GALNTL6: variants seen among roughly 807,000 people sequenced by gnomAD.
GALNTL6 encodes the protein polypeptide N-acetylgalactosaminyltransferase like 6, also known as polypeptide N-acetylgalactosaminyltransferase-like 6.
In GALNTL6, 46 loss-of-function variants were observed where a neutral mutation model predicts 73.7. The ratio of observed to expected loss-of-function variants is 0.62; its 90% CI spans 0.49 to 0.80. The LOEUF is 0.80. Ranked by LOEUF, GALNTL6 falls within the 30% of genes least tolerant of loss-of-function variation. The probability of loss-of-function intolerance (pLI) is 0.00; values close to 1 mark genes in which losing one functional copy is unlikely to be tolerated. For synonymous variants in GALNTL6, 259 were observed against 263.7 expected (o/e 0.98, Z 0.17); for missense variants, 604 against 755.0 (o/e 0.80, Z 2.34).
intron 8 of GALNTL6, among the ~76,000 whole-genome samples, chr4:172,911,370 T>C (rs1223084116): frequency 6.6e-6 from 1 of 152,238 alleles, no homozygotes; most frequent in African/African-American, 2.4e-5. Flanking sequence ...TACCTTCTCA[T>C]TGCTTTTATG....
At chr4:172,323,761 G>A (rs751001147) in intron 4 of GALNTL6, among the ~76,000 whole-genome samples, 1 of 152,004 alleles carries the variant, frequency 6.6e-6, no homozygotes, top group Non-Finnish European at 1.5e-5. Flanking sequence ...ATGTTACAAG[G>A]CTTTTAGTAG....
chr4:172,814,736 C>A (rs1232542939), intron 7 of GALNTL6, among the ~76,000 whole-genome samples: 1 of 152,080 alleles, frequency 6.6e-6, no homozygotes, highest in Non-Finnish European at 1.5e-5. Flanking sequence ...AAATTACAAT[C>A]AACATTTCAT....
intron 2 of GALNTL6, among the ~76,000 whole-genome samples, chr4:172,206,993 A>ATTT (rs1296039900): frequency 1.3e-5 from 2 of 150,188 alleles, no homozygotes; most frequent in Non-Finnish European, 3.0e-5. Context: ...AGTTTTTTGT[A>ATTT]TTTTTAGTAG....
chr4:172,831,573 G>A (rs549810857), intron 7 of GALNTL6, among the ~76,000 whole-genome samples: 29 of 152,338 alleles, frequency 1.9e-4, no homozygotes, highest in Non-Finnish European at 2.8e-4. Flanking sequence ...TAAGGAAACC[G>A]TGAAAGCACC....
chr4:172,053,126 G>A (rs550242213), intron 2 of GALNTL6, among the ~76,000 whole-genome samples: 14 of 152,142 alleles, frequency 9.2e-5, no homozygotes, highest in South Asian at 2.1e-4. Context: ...ATGAACTCAC[G>A]TCTAATTACC....
chr4:172,285,688 C>T (rs1265148891), intron 3 of GALNTL6, among the ~76,000 whole-genome samples: 2 of 152,152 alleles, frequency 1.3e-5, no homozygotes, highest in Non-Finnish European at 2.9e-5. Context: ...TCCGCAGTTT[C>T]TACACCTTTG....
chr4:172,123,171 C>T (rs926437774), intron 2 of GALNTL6, among the ~76,000 whole-genome samples: 1 of 152,114 alleles, frequency 6.6e-6, no homozygotes, highest in Non-Finnish European at 1.5e-5. Context: ...ACCCTTGAAG[C>T]TGGGCATTCT....
chr4:172,870,052 GTCATCATCATCA>G (rs55936018), intron 7 of GALNTL6, among the ~76,000 whole-genome samples: 2,619 of 143,120 alleles, frequency 0.018, 78 homozygotes, highest in African/African-American at 0.064. Flanking sequence ...GACCTTTACT[GTCATCATCATCA>G]TCATCATCAT....
intron 5 of GALNTL6, among the ~76,000 whole-genome samples, chr4:172,572,228 A>G (rs1296679222): frequency 6.6e-6 from 1 of 152,110 alleles, no homozygotes; most frequent in East Asian, 1.9e-4. Context: ...CCTCCCTGAA[A>G]TCTATTCCCC....
chr4:172,969,971 G>A (rs1750498959), intron 10 of GALNTL6, among the ~76,000 whole-genome samples: 2 of 152,106 alleles, frequency 1.3e-5, no homozygotes, highest in South Asian at 4.1e-4. Context: ...TTTACAGCTG[G>A]GCAGCCAGGG....
At chr4:172,871,611 AGTGTGTGTGTGTGT>A (rs5864173) in intron 7 of GALNTL6, among the ~76,000 whole-genome samples, 38 of 137,612 alleles carry the variant, frequency 2.8e-4, no homozygotes, top group African/African-American at 9.6e-4. Flanking sequence ...TGTGTGTGAG[AGTGTGTGTGTGTGT>A]GTGTGTGTGT....
intron 3 of GALNTL6, among the ~76,000 whole-genome samples, chr4:172,295,534 T>TTTTTTTTTTTTTTTTTTTTTTTGG (rs1739641982): frequency 5.6e-3 from 11 of 1,960 alleles, no homozygotes; most frequent in Admixed American, 0.024. Context: ...TTTTTAGGTT[T>TTTTTTTTTTTTTTTTTTTTTTTGG]TTTTTTTTTT....
At chr4:173,005,261 C>T (rs892269832) in intron 10 of GALNTL6, among the ~76,000 whole-genome samples, 1 of 152,190 alleles carries the variant, frequency 6.6e-6, no homozygotes, top group African/African-American at 2.4e-5. Flanking sequence ...CCTTCCCACC[C>T]ATTCCTAGCC....
At chr4:172,668,015 G>T (rs1277135317) in intron 5 of GALNTL6, 3 of 152,100 alleles carry the variant, frequency 2.0e-5, no homozygotes, top group African/African-American at 4.8e-5. Flanking sequence ...CTTCCCTCTT[G>T]ACCAGGACTC....
intron 5 of GALNTL6, among the ~76,000 whole-genome samples, chr4:172,438,100 T>C (rs1298774860): frequency 6.6e-6 from 1 of 152,170 alleles, no homozygotes; most frequent in Admixed American, 6.6e-5. Context: ...TTTCTTCCTT[T>C]CTTGAAATAT....
In GALNTL6 at chr4:172,018,496, C is replaced by A. The variant is rs945004111; in HGVS notation, c.138+203778C>A. ...AGTTTGCCAGGGAAGTTGGGGGTAG[C>A]AGGTAGTGAAAGGCCTCACCCAGCT... On this transcript the variant is annotated intron_variant, in intron 2 of 12. Coordinates refer to ENST00000506823, the MANE Select transcript of GALNTL6 (RefSeq NM_001034845.3). 5.3e-5 allele frequency among the ~76,000 whole-genome samples: 8 copies of A among 152,034 alleles called. No individual in the cohort carries two copies. In the East Asian group the frequency reaches 1.6e-3, roughly 30 times the overall value.
At chr4:171,846,124 T>A (rs1055748035) in intron 2 of GALNTL6, among the ~76,000 whole-genome samples, 2 of 152,182 alleles carry the variant, frequency 1.3e-5, no homozygotes, top group Non-Finnish European at 2.9e-5. Context: ...CATTTGTGAG[T>A]AATTTTCTGA....
At chr4:172,715,003 A>T (rs1015109497) in intron 5 of GALNTL6, among the ~76,000 whole-genome samples, 3 of 146,102 alleles carry the variant, frequency 2.1e-5, no homozygotes, top group Non-Finnish European at 4.5e-5. Context: ...AAAAAAAAAA[A>T]GGAGGAAAAC....
At chr4:172,050,310 T>C (rs77985505) in intron 2 of GALNTL6, among the ~76,000 whole-genome samples, 9,423 of 152,156 alleles carry the variant, frequency 0.062, 437 homozygotes, top group East Asian at 0.24. Flanking sequence ...TGAGGGTTTT[T>C]TAAGAGCAAG....
Sources: allele counts gnomAD v4.1 joint callset (sites outside exome capture counted in the v4.1 genomes callset), GRCh38; gene constraint gnomAD v4.1.1; transcripts MANE v1.5; gene names NCBI Gene and HGNC (gene_info 2026-07-23, HGNC 2026-07-21).